VWDE: variants seen among roughly 807,000 people sequenced by gnomAD.
The protein encoded by VWDE is von Willebrand factor D and EGF domains, also known as von Willebrand factor D and EGF domain-containing protein.
VWDE carries 207 observed loss-of-function variants against 178.4 expected under a neutral mutation model. That is an observed-to-expected ratio of 1.16 (90% confidence interval 1.04 to 1.30). The LOEUF is 1.30. Among genes scored for constraint, VWDE ranks in the 50% most tolerant of loss-of-function variants. VWDE has a pLI of 0.00. For synonymous variants in VWDE, 738 were observed against 651.4 expected (o/e 1.13, Z -2.02); for missense variants, 2,287 against 1,901.3 (o/e 1.20, Z -3.77).
At chr7:12,332,208 G>A (rs1197617736) in intron 28 of VWDE, among the ~76,000 whole-genome samples, 4 of 151,412 alleles carry the variant, frequency 2.6e-5, no homozygotes, top group Admixed American at 6.6e-5. Context: ...AGACACCAGT[G>A]ATCAACAGAA....
intron 19 of VWDE, among the ~76,000 whole-genome samples, chr7:12,345,860 G>A (rs924450914): frequency 5.9e-5 from 9 of 152,048 alleles, no homozygotes; most frequent in Non-Finnish European, 1.3e-4. Flanking sequence ...AGCGGGAGAT[G>A]TTGTTAGTTG....
At position 12,356,183 on chromosome 7, in the gene VWDE, T is replaced by A. The variant is rs1433012508; in HGVS notation, c.3673A>T (p.Asn1225Tyr). 3.2e-6 allele frequency: 5 copies of A among 1,551,384 alleles called. No individual in the cohort carries two copies. In the East Asian group the frequency reaches 1.2e-4, roughly 38 times the overall value. ...CEVDISGCQS[N>Y]PCGLGSYISG... Reference sequence around the variant, plus strand: ...ATATAGCTGCCAAGACCACAAGGGTTGGATTGGCACCCACTAATGTCCACT... The same window carrying A: ...ATATAGCTGCCAAGACCACAAGGGTAGGATTGGCACCCACTAATGTCCACT... Residue 1225 changes from asparagine to tyrosine, a missense_variant, in exon 18 of 29, where the codon AAC (asparagine) becomes TAC (tyrosine). By Grantham distance (143) the Asn-to-Tyr change is moderately radical (BLOSUM62 -2). Coordinates refer to ENST00000275358, the MANE Select transcript of VWDE (RefSeq NM_001135924.3).
intron 27 of VWDE, among the ~76,000 whole-genome samples, chr7:12,335,459 T>C (rs1371590009): frequency 6.6e-6 from 1 of 152,120 alleles, no homozygotes; most frequent in Admixed American, 6.6e-5. Flanking sequence ...TTTTTTCTTT[T>C]TTTACTTTTT....
intron 24 of VWDE, 77 bp from the exon 25 acceptor site, chr7:12,337,349 G>A: frequency 8.2e-7 from 1 of 1,214,244 alleles, no homozygotes; most frequent in Non-Finnish European, 1.2e-6. Context: ...TCATGTGCTT[G>A]TCATCAATGA....
At position 12,370,321 on chromosome 7, in the gene VWDE, A is replaced by G; in HGVS notation, c.1985T>C (p.Ile662Thr). Residue 662 changes from isoleucine (I) to threonine (T), a missense_variant, in exon 12 of 29, where the codon ATA becomes ACA. Physicochemically the swap from Ile to Thr is moderately conservative, Grantham distance 89. Transcript: ENST00000275358. ...DLNHVSLSSL[I>T]PELDVTSEYI... The stretch of plus-strand genomic sequence containing the variant: ...TTCGGAGGTGACATCTAGTTCTGGT[A>G]TCAAAGAAGATAAGCTGACATGATT... 1.3e-6 allele frequency: 2 copies of G among 1,551,284 alleles called. No homozygotes were observed. Among genetic ancestry groups the G allele is most frequent in the Non-Finnish European group, 1.7e-6 (2 of 1,146,822 alleles).
intron 2 of VWDE, 54 bp downstream of exon 2, chr7:12,393,540 C>T (rs1322062586): frequency 4.4e-6 from 6 of 1,377,306 alleles, no homozygotes; most frequent in Non-Finnish European, 5.8e-6. Context: ...ATACAATTCT[C>T]ATATGAAAAA....
chr7:12,396,600 C>G (rs1446504265), intron 1 of VWDE, among the ~76,000 whole-genome samples: 1 of 152,012 alleles, frequency 6.6e-6, no homozygotes, highest in Non-Finnish European at 1.5e-5. Context: ...CCATTCCATA[C>G]TCATGGATTA....
At chr7:12,394,598 T>C (rs1253312531) in intron 1 of VWDE, among the ~76,000 whole-genome samples, 1 of 152,110 alleles carries the variant, frequency 6.6e-6, no homozygotes, top group Non-Finnish European at 1.5e-5. Context: ...AAAATGCAAC[T>C]CTTGTTTGAG....
rs1401595824 is a variant in VWDE, at chr7:12,403,684, C to T, written c.33G>A (p.Ala11=). 22 of 1,548,062 alleles carry T rather than the reference C, an allele frequency of 1.4e-5. No homozygotes were observed. The East Asian group carries it at 5.1e-4, about 36-fold the overall frequency. The change falls in exon 1 of 29, where the codon GCG becomes GCA. Residue 11 remains alanine (A), a synonymous_variant. Transcript: ENST00000275358. MPGGACVLVI[A]LMFLAWGEAQ... ...CTTCCCCCCAGGCCAGGAACATCAGCGCGATCACCAGCACGCAGGCTCCGC... is the reference window on the plus strand; with the variant it reads ...CTTCCCCCCAGGCCAGGAACATCAGTGCGATCACCAGCACGCAGGCTCCGC...
chr7:12,366,911 T>C (rs574906210), intron 13 of VWDE, among the ~76,000 whole-genome samples: 1 of 152,192 alleles, frequency 6.6e-6, no homozygotes, highest in South Asian at 2.1e-4. Context: ...ATACTATTTT[T>C]TAAAGGTGAG....
In VWDE at chr7:12,371,675, T is replaced by C. The variant is rs190015994; in HGVS notation, c.1588-811A>G. ...ACAAATTTTACTTTCCAAACCAACT[T>C]AAGGTAGCTAATATTAAGATCTTTG... On this transcript the variant is annotated intron_variant, in intron 10 of 28. Coordinates refer to ENST00000275358, the MANE Select transcript of VWDE (RefSeq NM_001135924.3). 2.0e-5 allele frequency among the ~76,000 whole-genome samples: 3 copies of C among 152,268 alleles called. No homozygotes were observed. The East Asian group carries it at 5.8e-4, about 29-fold the overall frequency.
chr7:12,336,106 G>C, intron 27 of VWDE, 35 bp downstream of exon 27: 1 of 1,509,046 alleles, frequency 6.6e-7, no homozygotes, highest in Non-Finnish European at 9.0e-7. Flanking sequence ...TTCCAATTCA[G>C]AACATATAGT....
intron 18 of VWDE, chr7:12,354,172 AC>A (rs1782096350): frequency 3.9e-6 from 1 of 254,034 alleles, no homozygotes; most frequent in Non-Finnish European, 7.7e-6. Flanking sequence ...GTTACACTCT[AC>A]CTATTAAGTC....
Position 12,403,814 on chromosome 7 carries a change from AT to A in VWDE, c.-99del. The A allele has an allele frequency of 1.5e-6, 2 of 1,316,184 alleles. No homozygotes were observed. Among genetic ancestry groups the A allele is most frequent in the South Asian group, 2.7e-5 (2 of 75,230 alleles). The allele number at this position is 1,316,184 out of a possible 1,614,324, so 81.5% of individuals were successfully genotyped here. A position where few individuals can be genotyped will look rare whatever the true frequency, so the allele number is the denominator to read the frequency against. On this transcript the variant is annotated 5_prime_UTR_variant, in exon 1 of 29. Coordinates refer to ENST00000275358, the MANE Select transcript of VWDE (RefSeq NM_001135924.3). Reference sequence around the variant, plus strand: ...CAGCCCCTCGGGCCTCCTTTCTTGGATTTTCTCAGTCTGTTGCTGCTTGGAA... The same window carrying A: ...CAGCCCCTCGGGCCTCCTTTCTTGGATTTCTCAGTCTGTTGCTGCTTGGAA...
intron 13 of VWDE, 63 bp downstream of exon 13, chr7:12,367,294 A>C: frequency 7.7e-7 from 1 of 1,295,832 alleles, no homozygotes; most frequent in Non-Finnish European, 1.0e-6. Flanking sequence ...GAATTAATCC[A>C]AGATAATATT....
At chr7:12,377,355 A>G (rs1160589209) in intron 7 of VWDE, among the ~76,000 whole-genome samples, 1 of 152,184 alleles carries the variant, frequency 6.6e-6, no homozygotes, top group Non-Finnish European at 1.5e-5. Flanking sequence ...TATATTTCAT[A>G]AGCTTGAACT....
At position 12,343,085 on chromosome 7, in the gene VWDE, G is replaced by A; in HGVS notation, c.4172C>T (p.Thr1391Ile). 4 of 1,548,016 alleles carry A rather than the reference G, an allele frequency of 2.6e-6. No individual in the cohort carries two copies. The highest frequency in any genetic ancestry group is 3.5e-6 in the Non-Finnish European group (4 of 1,144,576). ...GACATCAGGAGAGCTTTGCTTACTT[G>A]TTTCACACCTTGGTCCTACAAAACC... ...PYGFVGPRCETMVCNRHCENG... is the reference protein window; with the variant it reads ...PYGFVGPRCEIMVCNRHCENG... The change falls in exon 22 of 29, where the codon ACA becomes ATA. Residue 1391 changes from threonine to isoleucine, a missense_variant and splice_region_variant. Transcript: ENST00000275358.
chr7:12,344,442 C>G lies in VWDE; in HGVS notation c.3914G>C (p.Ser1305Thr). 1 of 1,550,348 alleles carries G rather than the reference C, an allele frequency of 6.5e-7. No individual in the cohort carries two copies. The highest frequency in any genetic ancestry group is 2.0e-5 in the Admixed American group (1 of 50,868). Residue 1305 changes from serine (S) to threonine (T), a missense_variant, in exon 20 of 29, where the codon AGT (serine) becomes ACT (threonine). By Grantham distance (58) the Ser-to-Thr change is moderately conservative. Transcript: ENST00000275358. ...FTICKYPCGK[S>T]RECVAPNICK... ...GATGTTTGGGGCAACACACTCCCTA[C>G]TTTTTCCACATGGATATTTACAAAT...
intron 12 of VWDE, 24 bp from the exon 13 acceptor site, chr7:12,367,517 T>C (rs1782929268): frequency 6.9e-7 from 1 of 1,452,246 alleles, no homozygotes; most frequent in Non-Finnish European, 9.1e-7. Flanking sequence ...ATATAACAAA[T>C]ACTACATATT....
Sources: allele counts gnomAD v4.1 joint callset (sites outside exome capture counted in the v4.1 genomes callset), GRCh38; gene constraint gnomAD v4.1.1; transcripts MANE v1.5; gene names NCBI Gene and HGNC (gene_info 2026-07-23, HGNC 2026-07-21).